FAM114A1: variants seen among roughly 807,000 people sequenced by gnomAD.
FAM114A1 encodes protein NOXP20.
FAM114A1 carries 62 observed loss-of-function variants against 64.3 expected under a neutral mutation model. The ratio of observed to expected loss-of-function variants is 0.96; its 90% CI spans 0.79 to 1.19. The LOEUF (loss-of-function observed/expected upper bound fraction) is 1.19. Among genes scored for constraint, FAM114A1 ranks in the 50% most tolerant of loss-of-function variants. The pLI is 0.00. For synonymous variants in FAM114A1, 254 were observed against 251.1 expected (o/e 1.01, Z -0.11); for missense variants, 645 against 676.3 (o/e 0.95, Z 0.51).
rs141822238 is a variant in FAM114A1, at chr4:38,895,781, C to A, written c.436+3951C>A. On this transcript the variant is annotated intron_variant, in intron 4 of 14. Coordinates refer to ENST00000358869, the MANE Select transcript of FAM114A1 (RefSeq NM_138389.4). ...GGTAAAGCCTATTGCGCCGAGGCTGCAAACATAGGACAGCTTATTACTGTA... is the reference window on the plus strand; with the variant it reads ...GGTAAAGCCTATTGCGCCGAGGCTGAAAACATAGGACAGCTTATTACTGTA... 1.8e-3 allele frequency among the ~76,000 whole-genome samples: 276 copies of A among 152,292 alleles called. 3 individuals are homozygous for A. The highest frequency in any genetic ancestry group is 6.4e-3 in the African/African-American group (266 of 41,552).
chr4:38,897,731 G>A (rs1717073659), intron 4 of FAM114A1, among the ~76,000 whole-genome samples: 1 of 151,994 alleles, frequency 6.6e-6, no homozygotes, highest in East Asian at 1.9e-4. Context: ...CTTGAGGTCA[G>A]GAGTTCAAGA....
chr4:38,918,674 T>G (rs933623765), intron 8 of FAM114A1, among the ~76,000 whole-genome samples: 9 of 152,094 alleles, frequency 5.9e-5, no homozygotes, highest in African/African-American at 2.2e-4. Context: ...TAAATAATTT[T>G]GGGGCCAGGC....
intron 8 of FAM114A1, among the ~76,000 whole-genome samples, chr4:38,916,829 G>T (rs79705853): frequency 0.058 from 8,812 of 152,036 alleles, 657 homozygotes; most frequent in African/African-American, 0.16. Context: ...ATATGAAGGT[G>T]CCAATAGACA....
chr4:38,886,506 G>A (rs563832083), intron 3 of FAM114A1, among the ~76,000 whole-genome samples: 5 of 152,126 alleles, frequency 3.3e-5, no homozygotes, highest in East Asian at 1.9e-4. Context: ...AAAGAAGAAA[G>A]ATGTGGAGCA....
chr4:38,904,638 G>T (rs966180429), intron 4 of FAM114A1, among the ~76,000 whole-genome samples: 4 of 152,102 alleles, frequency 2.6e-5, no homozygotes, highest in African/African-American at 9.7e-5. Flanking sequence ...TTTGATTTTT[G>T]GATGTCAGCT....
intron 2 of FAM114A1, among the ~76,000 whole-genome samples, chr4:38,876,849 C>T (rs1262299225): frequency 1.3e-5 from 2 of 152,176 alleles, no homozygotes; most frequent in Non-Finnish European, 2.9e-5. Context: ...TGGCTTTGGG[C>T]CCCTTCCTTT....
intron 4 of FAM114A1, among the ~76,000 whole-genome samples, chr4:38,899,015 C>A (rs1185399508): frequency 7.5e-6 from 1 of 132,868 alleles, no homozygotes; most frequent in East Asian, 2.0e-4. Context: ...GTATAAGTTT[C>A]ATATATATGT....
intron 9 of FAM114A1, chr4:38,929,041 C>T (rs1002405752): frequency 6.8e-5 from 37 of 541,100 alleles, no homozygotes; most frequent in East Asian, 5.3e-4. Flanking sequence ...AAGACTTCAG[C>T]GGCCCTGCAC....
chr4:38,905,917 A>G, intron 6 of FAM114A1, 56 bp downstream of exon 6: 8 of 1,480,342 alleles, frequency 5.4e-6, no homozygotes, highest in Non-Finnish European at 7.3e-6. Flanking sequence ...CCTTCTTTTG[A>G]TATTTCCATT....
At chr4:38,943,114 A>T (rs1721695976) in intron 14 of FAM114A1, among the ~76,000 whole-genome samples, 1 of 149,760 alleles carries the variant, frequency 6.7e-6, no homozygotes, top group Non-Finnish European at 1.5e-5. Context: ...AATTGCTTGA[A>T]CCTGGGAGGC....
intron 3 of FAM114A1, among the ~76,000 whole-genome samples, chr4:38,888,251 C>T (rs924920458): frequency 6.6e-6 from 1 of 151,632 alleles, no homozygotes; most frequent in African/African-American, 2.4e-5. Context: ...GGGCCAGGTG[C>T]AGTCACCCGT....
chr4:38,905,733 A>C (rs761221211), intron 5 of FAM114A1, 22 bp from the exon 6 acceptor site: 2 of 1,611,472 alleles, frequency 1.2e-6, no homozygotes, highest in South Asian at 2.2e-5. Flanking sequence ...GAACTCTTAA[A>C]GGATTTCTTT....
At chr4:38,902,038 A>G (rs1045709488) in intron 4 of FAM114A1, among the ~76,000 whole-genome samples, 1 of 152,242 alleles carries the variant, frequency 6.6e-6, no homozygotes, top group African/African-American at 2.4e-5. Context: ...GATTAAAATG[A>G]CATTTAATCA....
At chr4:38,908,816 T>C (rs1421541400) in intron 7 of FAM114A1, 90 bp downstream of exon 7, 1 of 1,273,294 alleles carries the variant, frequency 7.9e-7, no homozygotes, top group Non-Finnish European at 1.1e-6. Flanking sequence ...ATTTAAAGCA[T>C]GTGATTCAAA....
At chr4:38,918,564 C>T (rs1193136398) in intron 8 of FAM114A1, among the ~76,000 whole-genome samples, 1 of 152,188 alleles carries the variant, frequency 6.6e-6, no homozygotes, top group African/African-American at 2.4e-5. Context: ...GGGACACATA[C>T]TTATATGTAG....
chr4:38,943,537 T>A lies in FAM114A1; in HGVS notation c.1672T>A (p.Cys558Ser), dbSNP rs1267814337. ...GCAGGTCTCACATATCCAGACCAGTTGTTTGAAAGCACAGCCGTGACCTGG... is the reference window on the plus strand; with the variant it reads ...GCAGGTCTCACATATCCAGACCAGTAGTTTGAAAGCACAGCCGTGACCTGG... ...VLQVSHIQTS[C>S]LKAQP Residue 558 changes from cysteine to serine, a missense_variant, in exon 15 of 15, where the codon TGT becomes AGT. Transcript: ENST00000358869. 2 of 1,613,916 alleles carry A rather than the reference T, an allele frequency of 1.2e-6. No homozygotes were observed. The highest frequency in any genetic ancestry group is 1.3e-5 in the African/African-American group (1 of 74,906).
intron 4 of FAM114A1, among the ~76,000 whole-genome samples, chr4:38,898,704 A>G (rs1221662357): frequency 6.6e-6 from 1 of 152,120 alleles, no homozygotes; most frequent in African/African-American, 2.4e-5. Flanking sequence ...CTGATTACAG[A>G]GTGGACATCA....
intron 8 of FAM114A1, among the ~76,000 whole-genome samples, chr4:38,915,306 C>T (rs1718942310): frequency 1.3e-5 from 2 of 152,190 alleles, no homozygotes; most frequent in South Asian, 4.2e-4. Context: ...ACAGTAAGAG[C>T]CACCACTATC....
intron 6 of FAM114A1, among the ~76,000 whole-genome samples, chr4:38,907,084 G>T (rs1718080576): frequency 6.6e-6 from 1 of 152,168 alleles, no homozygotes; most frequent in Admixed American, 6.5e-5. Flanking sequence ...AACATGAGAG[G>T]ATCTCACCCA....
Sources: allele counts gnomAD v4.1 joint callset (sites outside exome capture counted in the v4.1 genomes callset), GRCh38; gene constraint gnomAD v4.1.1; transcripts MANE v1.5; gene names NCBI Gene and HGNC (gene_info 2026-07-23, HGNC 2026-07-21).